Variants in FUCA1 observed in about 807,000 individuals in gnomAD.
The protein encoded by FUCA1 is tissue alpha-L-fucosidase.
In FUCA1, 52 loss-of-function variants were observed where a neutral mutation model predicts 56.8. The ratio of observed to expected loss-of-function variants is 0.92; its 90% CI spans 0.73 to 1.15. FUCA1 has a LOEUF of 1.15. FUCA1 is among the 50% of genes most tolerant of loss of function. The pLI is 0.00. For missense variants in FUCA1, 568 were observed against 592.6 expected (o/e 0.96, Z 0.43); for synonymous variants, 230 against 226.6 (o/e 1.02, Z -0.14).
chr1:23,851,904 G>A (rs1382715004), intron 5 of FUCA1, among the ~76,000 whole-genome samples: 1 of 151,974 alleles, frequency 6.6e-6, no homozygotes, highest in Admixed American at 6.6e-5. Context: ...AATACCTAAT[G>A]CATGTGGGGC....
chr1:23,858,984 G>A (rs772673307), intron 4 of FUCA1, among the ~76,000 whole-genome samples: 9 of 152,058 alleles, frequency 5.9e-5, no homozygotes, highest in Non-Finnish European at 1.2e-4. Flanking sequence ...GTCTCACTAC[G>A]TTGCCCAGGC....
At chr1:23,863,026 C>T in intron 3 of FUCA1, 108 bp downstream of exon 3, 1 of 1,181,554 alleles carries the variant, frequency 8.5e-7, no homozygotes, top group Non-Finnish European at 1.3e-6. Flanking sequence ...ATTTTGATGT[C>T]TTTTAGGTTT....
intron 1 of FUCA1, among the ~76,000 whole-genome samples, 164 bp from the exon 2 acceptor site, chr1:23,865,789 A>G (rs957921330): frequency 2.6e-5 from 4 of 152,176 alleles, no homozygotes; most frequent in Non-Finnish European, 5.9e-5. Context: ...CTGCAGTCAC[A>G]ATTCCCCTTG....
At chr1:23,850,997 T>C (rs1420828754) in intron 5 of FUCA1, among the ~76,000 whole-genome samples, 2 of 152,050 alleles carry the variant, frequency 1.3e-5, no homozygotes, top group African/African-American at 4.8e-5. Context: ...CAGGCTGGTC[T>C]TGAACTCCTG....
At chr1:23,855,565 A>G in intron 4 of FUCA1, among the ~76,000 whole-genome samples, 1 of 152,248 alleles carries the variant, frequency 6.6e-6, no homozygotes, top group Non-Finnish European at 1.5e-5. Flanking sequence ...AGATTTATTA[A>G]AAGTTTAAAA....
chr1:23,865,382 G>A (rs1204277437), intron 2 of FUCA1, 109 bp downstream of exon 2: 21 of 1,433,348 alleles, frequency 1.5e-5, no homozygotes, highest in Non-Finnish European at 2.1e-5. Flanking sequence ...AAGCCCTTCA[G>A]GCTACTTGCT....
chr1:23,847,867 C>A lies in FUCA1; in HGVS notation c.1160+782G>T, dbSNP rs1182769524. On this transcript the variant is annotated intron_variant, in intron 6 of 7. Coordinates refer to ENST00000374479, the MANE Select transcript of FUCA1 (RefSeq NM_000147.5). ...TGAAACCCCATCTCTACTAAAAATG[C>A]AAAAATTAGCTGGGCGTGGTGGCGG... is the stretch of plus-strand genomic sequence containing the variant. Among the ~76,000 whole-genome samples the A allele has an allele frequency of 2.6e-5, 4 of 151,964 alleles. No individual in the cohort carries two copies. In the East Asian group the frequency reaches 7.7e-4, roughly 29 times the overall value.
Position 23,867,643 on chromosome 1 carries a change from G to A in FUCA1, c.389+255C>T. 1.2e-6 allele frequency: 1 copy of A among 848,188 alleles called. No individual in the cohort carries two copies. The highest frequency in any genetic ancestry group is 1.4e-6 in the Non-Finnish European group (1 of 704,510). The allele number at this position is 848,188 out of a possible 1,614,324, so 52.5% of individuals were successfully genotyped here. Reference sequence around the variant, plus strand: ...AGGTATGGCCTAACTCAGCCCTCTCGGTGCACAGGTGCAGATACCCAGGGC... The same window carrying A: ...AGGTATGGCCTAACTCAGCCCTCTCAGTGCACAGGTGCAGATACCCAGGGC... On this transcript the variant is annotated intron_variant, in intron 1 of 7. Transcript: ENST00000374479. This position sits in a 1 kb window ranked among gnomAD's most constrained non-coding sequence, Gnocchi z 4.9.
At chr1:23,853,129 C>A (rs1385688444) in intron 5 of FUCA1, among the ~76,000 whole-genome samples, 1 of 150,110 alleles carries the variant, frequency 6.7e-6, no homozygotes, top group Non-Finnish European at 1.5e-5. Flanking sequence ...TGCCCCGCCG[C>A]CCCGTCTGGG....
Position 23,863,248 on chromosome 1 carries a change from T to C in FUCA1, c.548A>G (p.His183Arg). The change falls in exon 3 of 8, where the codon CAC (histidine) becomes CGC (arginine). Residue 183 changes from histidine to arginine, a missense_variant. His to Arg is a conservative substitution (Grantham distance 29). Transcript: ENST00000374479. ...RKRNIRYGLY[H>R]SLLEWFHPLY... The stretch of plus-strand genomic sequence containing the variant: ...TGGATGGAACCACTCTAAGAGTGAG[T>C]GGTATAGTCCATAGCGGATGTTCCT... The C allele has an allele frequency of 6.2e-7, 1 of 1,613,440 alleles. No individual in the cohort carries two copies. The highest frequency in any genetic ancestry group is 8.5e-7 in the Non-Finnish European group (1 of 1,179,820).
intron 5 of FUCA1, among the ~76,000 whole-genome samples, chr1:23,852,390 AT>A (rs1231805148): frequency 6.6e-6 from 1 of 151,380 alleles, no homozygotes; most frequent in African/African-American, 2.4e-5. Context: ...CCACTGCGCT[AT>A]TGCCTGCATG....
intron 1 of FUCA1, among the ~76,000 whole-genome samples, chr1:23,866,043 G>A (rs1313658505): frequency 6.6e-6 from 1 of 152,222 alleles, no homozygotes; most frequent in Non-Finnish European, 1.5e-5. Context: ...CAGGCATGGT[G>A]GCTCACACCT....
In FUCA1 at chr1:23,867,438, T is replaced by G. The variant is rs1459004000; in HGVS notation, c.389+460A>C. 6.6e-6 allele frequency among the ~76,000 whole-genome samples: 1 copy of G among 152,164 alleles called. No homozygotes were observed. The highest frequency in any genetic ancestry group is 1.9e-4 in the East Asian group (1 of 5,194). On this transcript the variant is annotated intron_variant, in intron 1 of 7. Coordinates refer to ENST00000374479, the MANE Select transcript of FUCA1 (RefSeq NM_000147.5). This position sits in a 1 kb window ranked among gnomAD's most constrained non-coding sequence, Gnocchi z 4.9. The stretch of plus-strand genomic sequence containing the variant: ...ACCAGAACTCCCCTCTCTTTCCCTC[T>G]TAGAGACATTAGGGCTCAAAGGGTT...
rs1639122133 is a variant in FUCA1 at position 23,845,653 on chromosome 1, T to C, written c.*62A>G. ...TTCGTTGATTATAGTGATGGTACTA[T>C]AAGAGAAAAACTGAAGCAGGAAAAC... On this transcript the variant is annotated 3_prime_UTR_variant, in exon 8 of 8. Transcript: ENST00000374479. 6.2e-7 allele frequency: 1 copy of C among 1,604,280 alleles called. No individual in the cohort carries two copies. Among genetic ancestry groups the C allele is most frequent in the Non-Finnish European group, 8.5e-7 (1 of 1,171,052 alleles).
intron 5 of FUCA1, among the ~76,000 whole-genome samples, chr1:23,853,622 G>C (rs976988725): frequency 1.3e-4 from 20 of 151,626 alleles, no homozygotes; most frequent in Non-Finnish European, 2.4e-4. Flanking sequence ...GGAATAGAAA[G>C]GGGGGAAAGG....
Position 23,854,498 on chromosome 1 carries a change from A to G in FUCA1, c.831T>C (p.Tyr277=). The G allele has an allele frequency of 6.2e-7, 1 of 1,614,066 alleles. No homozygotes were observed. The part of the protein sequence containing the change: ...QNCSCHHGGY[Y]NCEDKFKPQS... ...GTGGCTTGAATTTATCTTCACAGTT[A>G]TAGTATCCTCCATGGTGACAGGAAC... The change falls in exon 5 of 8, where the codon TAT becomes TAC. Residue 277 remains tyrosine, a synonymous_variant. Transcript: ENST00000374479.
intron 4 of FUCA1, among the ~76,000 whole-genome samples, chr1:23,855,109 A>T (rs546462883): frequency 6.9e-6 from 1 of 145,574 alleles, no homozygotes; most frequent in Admixed American, 6.8e-5. Flanking sequence ...ATCCCACTCA[A>T]AAAAAAAAAA....
chr1:23,846,620 T>C (rs1232950476), intron 6 of FUCA1, among the ~76,000 whole-genome samples: 1 of 129,784 alleles, frequency 7.7e-6, no homozygotes, highest in Non-Finnish European at 1.7e-5. Context: ...AGGCTCTTGT[T>C]GTCCAGGATG....
intron 5 of FUCA1, among the ~76,000 whole-genome samples, chr1:23,852,078 G>GTAATAATAA (rs1410102992): frequency 0.082 from 11,894 of 145,058 alleles, 533 homozygotes; most frequent in Middle Eastern, 0.13. Context: ...ATGTTAGAAG[G>GTAATAATAA]TAATAATAAT....
Sources: allele counts gnomAD v4.1 joint callset (sites outside exome capture counted in the v4.1 genomes callset), GRCh38; gene constraint gnomAD v4.1.1; non-coding constraint Gnocchi (gnomAD v3.1); transcripts MANE v1.5; gene names NCBI Gene and HGNC (gene_info 2026-07-23, HGNC 2026-07-21).